PLEKHG2: variants seen among roughly 807,000 people sequenced by gnomAD.
The protein encoded by PLEKHG2 is pleckstrin homology domain-containing family G member 2.
Under a neutral mutation model 104.4 loss-of-function variants are expected in PLEKHG2, and 71 were observed. That is an observed-to-expected ratio of 0.68 (90% confidence interval 0.56 to 0.83). PLEKHG2 has a LOEUF of 0.83. Among genes scored for constraint, PLEKHG2 ranks in the 40% least tolerant of loss-of-function variants. The pLI, the probability that PLEKHG2 is intolerant of heterozygous loss-of-function variation, is 0.00. For synonymous variants in PLEKHG2, 728 were observed against 737.0 expected, an observed-to-expected ratio of 0.99 and a Z score of 0.20; for missense variants, 1,730 against 1,809.4, an observed-to-expected ratio of 0.96 and a Z score of 0.80.
At position 39,414,112 on chromosome 19, in the gene PLEKHG2, G is replaced by T. The variant is rs1879077535; in HGVS notation, c.26G>T (p.Ser9Ile). The change falls in exon 2 of 19, where the codon AGC (serine) becomes ATC (isoleucine). Residue 9 changes from serine (S) to isoleucine (I), a missense_variant. Coordinates refer to ENST00000425673, the MANE Select transcript of PLEKHG2 (RefSeq NM_022835.3). Reference sequence around the variant, plus strand: ...ATGCCTGAGGGAGCCCAAGGACTGAGCCTCTCCAAACCTAGCCCAAGCCTC... The same window carrying T: ...ATGCCTGAGGGAGCCCAAGGACTGATCCTCTCCAAACCTAGCCCAAGCCTC... MPEGAQGL[S>I]LSKPSPSLGC... The T allele has an allele frequency of 3.2e-6, 5 of 1,551,554 alleles. No homozygotes were observed. The highest frequency in any genetic ancestry group is 4.4e-6 in the Non-Finnish European group (5 of 1,146,908).
intron 7 of PLEKHG2, among the ~76,000 whole-genome samples, 192 bp downstream of exon 7, chr19:39,417,192 G>A (rs574414583): frequency 2.1e-5 from 3 of 146,244 alleles, no homozygotes; most frequent in South Asian, 2.2e-4. Context: ...CACTCTTGTC[G>A]ATGAGGCTGG....
At position 39,422,205 on chromosome 19, in the gene PLEKHG2, C is replaced by T. The variant is rs922253753; in HGVS notation, c.1594C>T (p.Pro532Ser). The change falls in exon 17 of 19, where the codon CCC becomes TCC. Residue 532 changes from proline (P) to serine (S), a missense_variant. By Grantham distance (74) the Pro-to-Ser change is moderately conservative. Transcript: ENST00000425673. ...APPEDLEDAG[P>S]PTLDPSGTSI... The stretch of plus-strand genomic sequence containing the variant: ...CCCTGAGGACCTGGAGGATGCTGGA[C>T]CCCCAACACTGGACCCCTCTGGGAC... 1.2e-6 allele frequency: 2 copies of T among 1,613,926 alleles called. No homozygotes were observed. The highest frequency in any genetic ancestry group is 2.2e-5 in the South Asian group (2 of 91,036).
chr19:39,415,810 C>T lies in PLEKHG2; in HGVS notation c.479+371C>T, dbSNP rs1451342513. On this transcript the variant is annotated intron_variant, in intron 4 of 18. Transcript: ENST00000425673. The surrounding 1 kb of genome is among the most constrained non-coding windows in gnomAD (Gnocchi z 4.6). Reference sequence around the variant, plus strand: ...TCCTTGGGGCTGTGTCAGGTCTGGGCTCACGATGAATCCAAGAATCATATG... The same window carrying T: ...TCCTTGGGGCTGTGTCAGGTCTGGGTTCACGATGAATCCAAGAATCATATG... Among the ~76,000 whole-genome samples the T allele has an allele frequency of 1.3e-5, 2 of 152,174 alleles. No homozygotes were observed. The highest frequency in any genetic ancestry group is 2.4e-5 in the African/African-American group (1 of 41,436).
chr19:39,414,957 A>G lies in PLEKHG2; in HGVS notation c.110-35A>G, dbSNP rs746604975. ...AGGCTGTGGAAGTCCGTGCATGGGG[A>G]GATTTCTCTGACCTCCTGTTCCACA... On this transcript the variant is annotated intron_variant, in intron 2 of 18. Transcript: ENST00000425673. 24 of 1,547,398 alleles carry G rather than the reference A, an allele frequency of 1.6e-5. 2 individuals are homozygous for G. In the South Asian group the frequency reaches 2.9e-4, roughly 19 times the overall value.
Position 39,415,102 on chromosome 19 carries a change from G to A in PLEKHG2, c.220G>A (p.Ala74Thr), listed in dbSNP as rs546409842. 116 of 1,595,066 alleles carry A rather than the reference G, an allele frequency of 7.3e-5. No homozygotes were observed. In the East Asian group the frequency reaches 2.6e-3, roughly 36 times the overall value. The change falls in exon 3 of 19, where the codon GCC becomes ACC. Residue 74 changes from alanine to threonine, a missense_variant. By Grantham distance (58) the Ala-to-Thr change is moderately conservative. Coordinates refer to ENST00000425673, the MANE Select transcript of PLEKHG2 (RefSeq NM_022835.3). The surrounding 1 kb of genome is among the most constrained non-coding windows in gnomAD (Gnocchi z 4.6). The stretch of plus-strand genomic sequence containing the variant: ...CCCTGGGCCCACTCCAGCCTGCTCA[G>A]CCTCCAGGCCAGAGCCCCTTCCAGG... The part of the protein sequence containing the change: ...PAPGPTPACS[A>T]SRPEPLPGPP...
chr19:39,415,517 T>C lies in PLEKHG2; in HGVS notation c.479+78T>C. The C allele has an allele frequency of 6.8e-7, 1 of 1,479,202 alleles. No homozygotes were observed. The highest frequency in any genetic ancestry group is 9.3e-7 in the Non-Finnish European group (1 of 1,077,582). 91.6% of individuals were successfully genotyped at this position (1,479,202 alleles called of 1,614,324 possible). ...TCCTAATCCAAACCTCGGAGCTTCG[T>C]AGTGTCCTGTCCAGGCTGGTACGTG... On this transcript the variant is annotated intron_variant, in intron 4 of 18. Coordinates refer to ENST00000425673, the MANE Select transcript of PLEKHG2 (RefSeq NM_022835.3). The surrounding 1 kb of genome is among the most constrained non-coding windows in gnomAD (Gnocchi z 4.6).
At chr19:39,423,693 T>C (rs2078737793) in intron 18 of PLEKHG2, 40 bp downstream of exon 18, 2 of 1,575,064 alleles carry the variant, frequency 1.3e-6, no homozygotes, top group African/African-American at 1.3e-5. Context: ...TGGTCCCCGC[T>C]GGAGTAGTGG....
In PLEKHG2 at chr19:39,419,741, G is replaced by A. The variant is rs543889522; in HGVS notation, c.1263+738G>A. 2.6e-5 allele frequency among the ~76,000 whole-genome samples: 4 copies of A among 152,276 alleles called. No individual in the cohort carries two copies. In the East Asian group the frequency reaches 5.8e-4, roughly 22 times the overall value. ...AAATACAAAAAATTAGCCAGGCGTG[G>A]TGGCAGGTGCCCGTAGTCCCAGCTA... On this transcript the variant is annotated intron_variant, in intron 11 of 18. Transcript: ENST00000425673.
chr19:39,415,409 C>T lies in PLEKHG2; in HGVS notation c.449C>T (p.Ala150Val). Residue 150 changes from alanine (A) to valine (V), a missense_variant, in exon 4 of 19, where the codon GCC becomes GTC. Transcript: ENST00000425673. This position sits in a 1 kb window ranked among gnomAD's most constrained non-coding sequence, Gnocchi z 4.6. ...LSVEQVGTLF[A>V]NIEDIYEFSS... ...GTGGAGCAGGTGGGCACGCTGTTTG[C>T]CAACATTGAGGACATCTACGAGTTC... is the stretch of plus-strand genomic sequence containing the variant. 6 of 1,614,098 alleles carry T rather than the reference C, an allele frequency of 3.7e-6. No homozygotes were observed. Among genetic ancestry groups the T allele is most frequent in the Non-Finnish European group, 5.1e-6 (6 of 1,180,008 alleles).
intron 8 of PLEKHG2, 54 bp downstream of exon 8, chr19:39,417,746 T>G: frequency 6.7e-7 from 1 of 1,499,436 alleles, no homozygotes; most frequent in Non-Finnish European, 9.0e-7. Context: ...CGAGGGGGCC[T>G]TGGGGCGGGT....
chr19:39,417,029 G>T, intron 7 of PLEKHG2, 29 bp downstream of exon 7: 1 of 1,576,554 alleles, frequency 6.3e-7, no homozygotes. Context: ...AGCCAGGCTG[G>T]GGAGGGGGAG....
In PLEKHG2 at chr19:39,424,597, T is replaced by C; in HGVS notation, c.3464T>C (p.Ile1155Thr). Residue 1155 changes from isoleucine (I) to threonine (T), a missense_variant, in exon 19 of 19, where the codon ATC becomes ACC. Physicochemically the swap from Ile to Thr is moderately conservative, Grantham distance 89. Transcript: ENST00000425673. ...PLPLPQVLTD[I>T]WVQALPTSPK... ...CCCCTGCCACAAGTCCTCACAGACA[T>C]CTGGGTCCAAGCCCTCCCAACTTCA... 6.2e-7 allele frequency: 1 copy of C among 1,614,090 alleles called. No individual in the cohort carries two copies.
At chr19:39,423,687 C>G in intron 18 of PLEKHG2, 34 bp downstream of exon 18, 2 of 1,563,670 alleles carry the variant, frequency 1.3e-6, no homozygotes, top group Non-Finnish European at 1.7e-6. Flanking sequence ...CAGAGGTGGT[C>G]CCCGCTGGAG....
Position 39,424,216 on chromosome 19 carries a change from C to G in PLEKHG2, c.3083C>G (p.Ser1028Cys), listed in dbSNP as rs951595521. 1.7e-5 allele frequency: 27 copies of G among 1,614,010 alleles called. No individual in the cohort carries two copies. The highest frequency in any genetic ancestry group is 2.1e-5 in the Non-Finnish European group (25 of 1,180,030). The change falls in exon 19 of 19, where the codon TCT becomes TGT. Residue 1028 changes from serine (S) to cysteine (C), a missense_variant. Coordinates refer to ENST00000425673, the MANE Select transcript of PLEKHG2 (RefSeq NM_022835.3). ...CCAGCTTTGCCCAAGGAGATTTGTT[C>G]TGATTTCACAGTTTCAGTCACCACC... ...TTPALPKEIC[S>C]DFTVSVTTPV... is the part of the protein sequence containing the mutation.
intron 11 of PLEKHG2, among the ~76,000 whole-genome samples, chr19:39,419,480 A>G (rs1162454746): frequency 6.6e-6 from 1 of 152,154 alleles, no homozygotes; most frequent in Non-Finnish European, 1.5e-5. Context: ...GGTGGCTCAC[A>G]CCTGTAATCC....
In PLEKHG2 at chr19:39,425,512, T is replaced by G; in HGVS notation, c.*218T>G. ...TGTTTTGTTAATACTGATTCTTTCA[T>G]GCAATGATGTGTATTTTCCCATTCT... On this transcript the variant is annotated 3_prime_UTR_variant, in exon 19 of 19. Coordinates refer to ENST00000425673, the MANE Select transcript of PLEKHG2 (RefSeq NM_022835.3). The G allele has an allele frequency of 1.4e-6, 1 of 703,540 alleles. No individual in the cohort carries two copies. Among genetic ancestry groups the G allele is most frequent in the Non-Finnish European group, 2.1e-6 (1 of 471,332 alleles). The allele number at this position is 703,540 out of a possible 1,614,324, so 43.6% of individuals were successfully genotyped here. A position where few individuals can be genotyped will look rare whatever the true frequency, so the allele number is the denominator to read the frequency against.
In PLEKHG2 at chr19:39,425,285, CCACATGTGAGCCAGG is replaced by C; in HGVS notation, c.4153_*6del. Reference sequence around the variant, plus strand: ...CCCAGGGGGCTCCTGATGCCCCCTTCCACATGTGAGCCAGGACATGAGGCTTCCCTGAAGCAAGGA... The same window carrying C: ...CCCAGGGGGCTCCTGATGCCCCCTTCACATGAGGCTTCCCTGAAGCAAGGA... On this transcript the variant is annotated stop_lost and 3_prime_UTR_variant, in exon 19 of 19. Transcript: ENST00000425673. The C allele has an allele frequency of 6.2e-7, 1 of 1,609,934 alleles. No individual in the cohort carries two copies. The highest frequency in any genetic ancestry group is 2.2e-5 in the East Asian group (1 of 44,852).
intron 8 of PLEKHG2, 96 bp from the exon 9 acceptor site, chr19:39,417,809 T>G: frequency 6.7e-7 from 1 of 1,499,180 alleles, no homozygotes; most frequent in Non-Finnish European, 8.9e-7. Context: ...TGGGACAGCA[T>G]GGCCCTGTTG....
At position 39,422,030 on chromosome 19, in the gene PLEKHG2, G is replaced by A. The variant is rs533197865; in HGVS notation, c.1504-85G>A. ...AGACTCCATCTCAAAACAAACAAAC[G>A]CAAAAGAAGGGGATTGGGACTTGGG... On this transcript the variant is annotated intron_variant, in intron 16 of 18. Transcript: ENST00000425673. The A allele has an allele frequency of 5.0e-5, 69 of 1,381,862 alleles. No individual in the cohort carries two copies. The South Asian group carries it at 9.0e-4, about 18-fold the overall frequency. 85.6% of individuals were successfully genotyped at this position (1,381,862 alleles called of 1,614,324 possible). A position where few individuals can be genotyped will look rare whatever the true frequency, so the allele number is the denominator to read the frequency against.
Sources: gnomAD v4.1 joint callset for allele counts (sites outside exome capture counted in the v4.1 genomes callset) on GRCh38, gnomAD v4.1.1 for gene constraint, Gnocchi (gnomAD v3.1) non-coding constraint, MANE v1.5 for transcripts, NCBI Gene and HGNC (gene_info 2026-07-23, HGNC 2026-07-21) for gene names.